AGBL4: variants seen among roughly 807,000 people sequenced by gnomAD.
AGBL4 encodes the protein AGBL carboxypeptidase 4, also known as cytosolic carboxypeptidase 6.
AGBL4 carries 58 observed loss-of-function variants against 66.4 expected under a neutral mutation model. That is an observed-to-expected ratio of 0.87 (90% CI 0.71 to 1.09). AGBL4 has a LOEUF of 1.09. Ranked by LOEUF, AGBL4 falls within the 50% of genes least tolerant of loss-of-function variation. The probability of loss-of-function intolerance (pLI) is 0.00; values close to 1 mark genes in which losing one functional copy is unlikely to be tolerated. For synonymous variants in AGBL4, 234 were observed against 222.9 expected (o/e 1.05, Z -0.44); for missense variants, 579 against 631.0 (o/e 0.92, Z 0.88).
chr1:48,752,105 A>C (rs989241150), intron 6 of AGBL4, among the ~76,000 whole-genome samples: 1 of 152,208 alleles, frequency 6.6e-6, no homozygotes, highest in African/African-American at 2.4e-5. Context: ...ACCGGCAGGC[A>C]GACTGTGGGC....
intron 5 of AGBL4, among the ~76,000 whole-genome samples, chr1:48,886,798 G>A (rs559555629): frequency 1.2e-4 from 18 of 152,184 alleles, no homozygotes; most frequent in African/African-American, 2.6e-4. Flanking sequence ...TGATCCGCCC[G>A]CCTCGGCCTC....
intron 11 of AGBL4, among the ~76,000 whole-genome samples, chr1:48,552,402 A>C (rs1644262872): frequency 2.0e-5 from 3 of 152,218 alleles, no homozygotes; most frequent in Admixed American, 2.0e-4. Context: ...TCAACAGATA[A>C]GTTATCAATC....
chr1:49,799,060 A>C (rs72686750), intron 2 of AGBL4, among the ~76,000 whole-genome samples: 5,117 of 152,278 alleles, frequency 0.034, 123 homozygotes, highest in Non-Finnish European at 0.05. Context: ...TGTTGCTATG[A>C]AACAATGGAT....
In AGBL4 at chr1:48,947,605, T is replaced by C. The variant is rs190780142; in HGVS notation, c.595-80375A>G. 2.0e-5 allele frequency among the ~76,000 whole-genome samples: 3 copies of C among 152,254 alleles called. No homozygotes were observed. In the East Asian group the frequency reaches 5.8e-4, roughly 29 times the overall value. ...TAGAGTTTCAGGTGCTCAAAAGAGA[T>C]TTGTAAAATGAAAGAAAAAGAAGAA... is the stretch of plus-strand genomic sequence containing the variant. On this transcript the variant is annotated intron_variant, in intron 5 of 13. Coordinates refer to ENST00000371839, the MANE Select transcript of AGBL4 (RefSeq NM_032785.4).
chr1:48,846,413 G>GAAATAAAT (rs1049689800), intron 6 of AGBL4, among the ~76,000 whole-genome samples: 2 of 144,980 alleles, frequency 1.4e-5, no homozygotes, highest in Non-Finnish European at 3.0e-5. Context: ...AAGAAAGAAA[G>GAAATAAAT]AAAGAAAGAA....
chr1:50,004,947 C>T (rs1236653591), intron 1 of AGBL4, among the ~76,000 whole-genome samples: 1 of 152,044 alleles, frequency 6.6e-6, no homozygotes, highest in Non-Finnish European at 1.5e-5. Flanking sequence ...GGGTACAGTA[C>T]CAAATGGACT....
intron 5 of AGBL4, among the ~76,000 whole-genome samples, chr1:48,925,204 G>T (rs971024232): frequency 6.6e-6 from 1 of 151,316 alleles, no homozygotes; most frequent in Non-Finnish European, 1.5e-5. Flanking sequence ...TCATCCCTCA[G>T]TATCCATGGG....
rs61004257 is a variant in AGBL4, at chr1:49,227,424, ATCCCTGAT to A, written c.377+18338_377+18345del. On this transcript the variant is annotated intron_variant, in intron 4 of 13. Transcript: ENST00000371839. ...GATTACAACGAATGTGTCCTAACTC[ATCCCTGAT>A]TCATCAAAAAAGTCATCTTCCATTC... Among the ~76,000 whole-genome samples, 403 of 152,250 alleles carry A rather than the reference ATCCCTGAT, an allele frequency of 2.6e-3. 1 individual carries two copies. Among genetic ancestry groups the A allele is most frequent in the African/African-American group, 9.1e-3 (380 of 41,564 alleles).
intron 3 of AGBL4, among the ~76,000 whole-genome samples, chr1:49,400,331 G>T (rs1428394986): frequency 6.6e-6 from 1 of 152,080 alleles, no homozygotes; most frequent in African/African-American, 2.4e-5. Flanking sequence ...CTCCAGTTTT[G>T]TTCTTTTTGC....
chr1:48,818,265 A>T (rs1646232558), intron 6 of AGBL4: 1 of 717,294 alleles, frequency 1.4e-6, no homozygotes, highest in African/African-American at 1.7e-5. Flanking sequence ...TTTGCAATCA[A>T]TATTATCTCC....
At chr1:49,006,085 A>G (rs1236987365) in intron 5 of AGBL4, among the ~76,000 whole-genome samples, 4 of 152,032 alleles carry the variant, frequency 2.6e-5, no homozygotes, top group African/African-American at 4.8e-5. Flanking sequence ...CGCAGAAGAC[A>G]GGTGATTTCT....
rs138515018 is a variant in AGBL4 at position 48,759,982 on chromosome 1, C to T, written c.635-96741G>A. On this transcript the variant is annotated intron_variant, in intron 6 of 13. Transcript: ENST00000371839. ...TTGAAAGGTACTTTCAGTTTAACTG[C>T]CTCATGTTACAGGTGAGAAAACTGA... 6.0e-3 allele frequency among the ~76,000 whole-genome samples: 916 copies of T among 152,262 alleles called. 13 individuals are homozygous for T. The highest frequency in any genetic ancestry group is 0.017 in the Middle Eastern group (5 of 294).
intron 3 of AGBL4, among the ~76,000 whole-genome samples, chr1:49,432,621 C>T (rs1362513578): frequency 6.6e-6 from 1 of 151,862 alleles, no homozygotes; most frequent in Non-Finnish European, 1.5e-5. Context: ...ATCTATTTTA[C>T]ATGGTTTTAC....
chr1:49,602,692 G>A (rs1388099590), intron 3 of AGBL4, among the ~76,000 whole-genome samples: 3 of 151,744 alleles, frequency 2.0e-5, no homozygotes, highest in South Asian at 2.1e-4. Context: ...GGGCCTGTTC[G>A]TGGGGTTGGG....
intron 3 of AGBL4, among the ~76,000 whole-genome samples, chr1:49,503,234 T>C (rs1263481496): frequency 6.6e-6 from 1 of 152,060 alleles, no homozygotes; most frequent in Non-Finnish European, 1.5e-5. Flanking sequence ...CCATGTGGTG[T>C]TTTTCCTGTG....
chr1:48,621,104 G>C (rs1449520991), intron 9 of AGBL4, among the ~76,000 whole-genome samples: 3 of 151,714 alleles, frequency 2.0e-5, no homozygotes, highest in African/African-American at 7.3e-5. Context: ...GTGTGCTCTA[G>C]GGAAGGGATA....
intron 3 of AGBL4, among the ~76,000 whole-genome samples, chr1:49,659,920 C>G (rs568679422): frequency 1.3e-5 from 2 of 152,050 alleles, no homozygotes; most frequent in South Asian, 2.1e-4. Flanking sequence ...AGCACCAGTA[C>G]CTTTACTTAC....
intron 5 of AGBL4, among the ~76,000 whole-genome samples, chr1:49,041,667 A>G (rs1347296875): frequency 2.0e-5 from 3 of 152,122 alleles, no homozygotes; most frequent in African/African-American, 7.2e-5. Flanking sequence ...TGCCTACTCT[A>G]CAAAACTATT....
intron 5 of AGBL4, among the ~76,000 whole-genome samples, chr1:48,958,801 G>A (rs1311290241): frequency 1.3e-5 from 2 of 152,204 alleles, no homozygotes; most frequent in Non-Finnish European, 2.9e-5. Flanking sequence ...AGAGCCCCAT[G>A]CTTTATGCTT....
Sources: allele counts gnomAD v4.1 joint callset (sites outside exome capture counted in the v4.1 genomes callset), GRCh38; gene constraint gnomAD v4.1.1; transcripts MANE v1.5; gene names NCBI Gene and HGNC (gene_info 2026-07-23, HGNC 2026-07-21).